Variants in FBH1 observed in about 807,000 individuals in gnomAD.
FBH1 encodes F-box DNA helicase 1.
In FBH1, 43 loss-of-function variants were observed where a neutral mutation model predicts 115.5. That is an observed-to-expected ratio of 0.37 (90% CI 0.29 to 0.48). The LOEUF is 0.48. FBH1 is among the 20% of genes least tolerant of loss of function. The probability of loss-of-function intolerance (pLI) is 0.99; values close to 1 mark genes in which losing one functional copy is unlikely to be tolerated. For missense variants in FBH1, 1,001 were observed against 1,337.3 expected (o/e 0.75, Z 3.92); for synonymous variants, 524 against 507.8 (o/e 1.03, Z -0.43).
At position 5,909,977 on chromosome 10, in the gene FBH1, T is replaced by C. The variant is rs1439071016; in HGVS notation, c.1020+683T>C. ...GAATGCATTCTTTAACACAGAGACG[T>C]GTAGTAACTTAAGAATGGTAAAGGC... On this transcript the variant is annotated intron_variant, in intron 5 of 20. Coordinates refer to ENST00000362091, the MANE Select transcript of FBH1 (RefSeq NM_178150.3). The surrounding 1 kb of genome is among the most constrained non-coding windows in gnomAD (Gnocchi z 4.4). 1.3e-5 allele frequency among the ~76,000 whole-genome samples: 2 copies of C among 152,100 alleles called. No homozygotes were observed. Among genetic ancestry groups the C allele is most frequent in the Non-Finnish European group, 1.5e-5 (1 of 68,012 alleles).
At position 5,916,261 on chromosome 10, in the gene FBH1, C is replaced by T. The variant is rs760019931; in HGVS notation, c.1593C>T (p.Leu531=). ...RKYQSKKKLN[L]FKLTPFMVNS... Reference sequence around the variant, plus strand: ...ACCAGTCAAAGAAGAAGTTGAATCTCTTCAAGTTAACACCCTTCATGGTCA... The same window carrying T: ...ACCAGTCAAAGAAGAAGTTGAATCTTTTCAAGTTAACACCCTTCATGGTCA... Residue 531 remains leucine (L), a synonymous_variant, in exon 10 of 21, where the codon CTC becomes CTT. Coordinates refer to ENST00000362091, the MANE Select transcript of FBH1 (RefSeq NM_178150.3). 7 of 1,614,166 alleles carry T rather than the reference C, an allele frequency of 4.3e-6. No homozygotes were observed. Among genetic ancestry groups the T allele is most frequent in the Non-Finnish European group, 2.5e-6 (3 of 1,180,020 alleles).
Position 5,890,284 on chromosome 10 carries a change from C to G in FBH1, c.-62C>G, listed in dbSNP as rs1842620334. 5.4e-6 allele frequency: 2 copies of G among 372,110 alleles called. No homozygotes were observed. The highest frequency in any genetic ancestry group is 4.3e-5 in the African/African-American group (2 of 46,700). 23.1% of individuals were successfully genotyped at this position (372,110 alleles called of 1,614,324 possible). A position where few individuals can be genotyped will look rare whatever the true frequency, so the allele number is the denominator to read the frequency against. ...GAGCTCGCTGCCGGGGGACGCTGGG[C>G]TGAGCGGCCGGCGGCGCGGGCCCGG... On this transcript the variant is annotated 5_prime_UTR_variant, in exon 1 of 21. Coordinates refer to ENST00000362091, the MANE Select transcript of FBH1 (RefSeq NM_178150.3).
At position 5,918,939 on chromosome 10, in the gene FBH1, T is replaced by C. The variant is rs900795971; in HGVS notation, c.2100+461T>C. On this transcript the variant is annotated intron_variant, in intron 13 of 20. Transcript: ENST00000362091. This position sits in a 1 kb window ranked among gnomAD's most constrained non-coding sequence, Gnocchi z 4.0. Reference sequence around the variant, plus strand: ...TGACAACTCACAGTGTCCTTGATTATGCGAAAAGTTTATTATGCGCTCCTT... The same window carrying C: ...TGACAACTCACAGTGTCCTTGATTACGCGAAAAGTTTATTATGCGCTCCTT... Among the ~76,000 whole-genome samples the C allele has an allele frequency of 3.3e-5, 5 of 152,232 alleles. No individual in the cohort carries two copies. Among genetic ancestry groups the C allele is most frequent in the African/African-American group, 1.2e-4 (5 of 41,464 alleles).
intron 18 of FBH1, among the ~76,000 whole-genome samples, chr10:5,926,814 A>G (rs1832678678): frequency 6.6e-6 from 1 of 152,244 alleles, no homozygotes; most frequent in South Asian, 2.1e-4. Flanking sequence ...AGCTTTTTGC[A>G]CGGCCTCGGG....
rs1393277166 is a variant in FBH1 at position 5,923,571 on chromosome 10, A to C, written c.2323-50A>C. 1.3e-6 allele frequency: 2 copies of C among 1,507,088 alleles called. No homozygotes were observed. Among genetic ancestry groups the C allele is most frequent in the East Asian group, 2.3e-5 (1 of 44,314 alleles). 93.4% of individuals were successfully genotyped at this position (1,507,088 alleles called of 1,614,324 possible). A position where few individuals can be genotyped will look rare whatever the true frequency, so the allele number is the denominator to read the frequency against. ...TTGTTAAAGCAACAACAAACAAAAC[A>C]AAACAAAAAACAACAAAAAAACAAA... On this transcript the variant is annotated intron_variant, in intron 15 of 20. Transcript: ENST00000362091. The surrounding 1 kb of genome is among the most constrained non-coding windows in gnomAD (Gnocchi z 5.7).
Position 5,909,481 on chromosome 10 carries a change from G to T in FBH1, c.1020+187G>T, listed in dbSNP as rs1831423526. 1.7e-6 allele frequency: 1 copy of T among 588,392 alleles called. No individual in the cohort carries two copies. Among genetic ancestry groups the T allele is most frequent in the Non-Finnish European group, 2.8e-6 (1 of 363,266 alleles). The allele number at this position is 588,392 out of a possible 1,614,324, so 36.4% of individuals were successfully genotyped here. On this transcript the variant is annotated intron_variant, in intron 5 of 20. Coordinates refer to ENST00000362091, the MANE Select transcript of FBH1 (RefSeq NM_178150.3). This position sits in a 1 kb window ranked among gnomAD's most constrained non-coding sequence, Gnocchi z 4.4. ...AAATAAAAGGCCATATAATTGTAGA[G>T]TCTTAGATGTAGATGAAATTTTAAC...
At chr10:5,899,016 C>T (rs558531650) in intron 1 of FBH1, among the ~76,000 whole-genome samples, 5 of 152,306 alleles carry the variant, frequency 3.3e-5, no homozygotes, top group African/African-American at 9.6e-5. Context: ...TCACAAAAAA[C>T]GTTCCAGGGT....
Position 5,924,657 on chromosome 10 carries a change from T to C in FBH1, c.2596+149T>C. 1.3e-6 allele frequency: 1 copy of C among 785,532 alleles called. No homozygotes were observed. Among genetic ancestry groups the C allele is most frequent in the Non-Finnish European group, 2.1e-6 (1 of 474,098 alleles). The allele number at this position is 785,532 out of a possible 1,614,324, so 48.7% of individuals were successfully genotyped here. ...ATCTTGGCTCACTGCAATGCCCACC[T>C]TCTGGGTTCAAGCAATTATCCTGCC... On this transcript the variant is annotated intron_variant, in intron 17 of 20. Coordinates refer to ENST00000362091, the MANE Select transcript of FBH1 (RefSeq NM_178150.3). This position sits in a 1 kb window ranked among gnomAD's most constrained non-coding sequence, Gnocchi z 6.2.
Position 5,931,157 on chromosome 10 carries a change from A to T in FBH1, c.2829+3616A>T, listed in dbSNP as rs983773048. On this transcript the variant is annotated intron_variant, in intron 19 of 20. Transcript: ENST00000362091. This position sits in a 1 kb window ranked among gnomAD's most constrained non-coding sequence, Gnocchi z 4.3. ...AGCATCCACCAGATTAGAAGATGGGATCTGCCAGCCATCACGGAGCTGTCC... is the reference window on the plus strand; with the variant it reads ...AGCATCCACCAGATTAGAAGATGGGTTCTGCCAGCCATCACGGAGCTGTCC... 6.6e-6 allele frequency among the ~76,000 whole-genome samples: 1 copy of T among 152,244 alleles called. No individual in the cohort carries two copies. Among genetic ancestry groups the T allele is most frequent in the Non-Finnish European group, 1.5e-5 (1 of 68,048 alleles).
At position 5,932,904 on chromosome 10, in the gene FBH1, A is replaced by T. The variant is rs191645463; in HGVS notation, c.2830-3552A>T. 2.6e-5 allele frequency among the ~76,000 whole-genome samples: 4 copies of T among 151,894 alleles called. No individual in the cohort carries two copies. The East Asian group carries it at 7.8e-4, about 30-fold the overall frequency. On this transcript the variant is annotated intron_variant, in intron 19 of 20. Transcript: ENST00000362091. The surrounding 1 kb of genome is among the most constrained non-coding windows in gnomAD (Gnocchi z 5.9). ...GGCTAATTCTGTATTTTTTGTAGAG[A>T]CGGGGTTTTGTCTGTTTCCCAGGCT...
chr10:5,895,784 G>C lies in FBH1; in HGVS notation c.1+5438G>C, dbSNP rs1222076263. 1.3e-5 allele frequency among the ~76,000 whole-genome samples: 2 copies of C among 152,116 alleles called. No individual in the cohort carries two copies. The highest frequency in any genetic ancestry group is 2.9e-5 in the Non-Finnish European group (2 of 68,036). On this transcript the variant is annotated intron_variant, in intron 1 of 20. Transcript: ENST00000362091. This position sits in a 1 kb window ranked among gnomAD's most constrained non-coding sequence, Gnocchi z 5.0. ...CCTGGGAATCAGCTTCCCAGTTAAG[G>C]GGAAGAGGAGAAGAGTGGAGGGCAG... is the stretch of plus-strand genomic sequence containing the variant.
chr10:5,909,392 T>A lies in FBH1; in HGVS notation c.1020+98T>A. On this transcript the variant is annotated intron_variant, in intron 5 of 20. Transcript: ENST00000362091. This position sits in a 1 kb window ranked among gnomAD's most constrained non-coding sequence, Gnocchi z 4.4. Reference sequence around the variant, plus strand: ...ATTGAGGATGACTTTATATTTATTTTTAATGTCTGTATTTAATCTCTGAAT... The same window carrying A: ...ATTGAGGATGACTTTATATTTATTTATAATGTCTGTATTTAATCTCTGAAT... The A allele has an allele frequency of 7.4e-7, 1 of 1,350,680 alleles. No homozygotes were observed. The highest frequency in any genetic ancestry group is 1.4e-5 in the South Asian group (1 of 69,742). 83.7% of individuals were successfully genotyped at this position (1,350,680 alleles called of 1,614,324 possible). A position where few individuals can be genotyped will look rare whatever the true frequency, so the allele number is the denominator to read the frequency against.
At position 5,923,722 on chromosome 10, in the gene FBH1, A is replaced by G. The variant is rs370339089; in HGVS notation, c.2398+26A>G. On this transcript the variant is annotated intron_variant, in intron 16 of 20. Transcript: ENST00000362091. This position sits in a 1 kb window ranked among gnomAD's most constrained non-coding sequence, Gnocchi z 5.7. The stretch of plus-strand genomic sequence containing the variant: ...GTGAGTACCCACCTGGCCTTGGTGC[A>G]TTGGAAGGACGCACCCAAGTGACAG... 5.0e-6 allele frequency: 8 copies of G among 1,597,678 alleles called. No individual in the cohort carries two copies. The highest frequency in any genetic ancestry group is 6.9e-6 in the Non-Finnish European group (8 of 1,167,210).
In FBH1 at chr10:5,917,908, A is replaced by G. The variant is rs1329513090; in HGVS notation, c.1963+232A>G. 6.6e-6 allele frequency among the ~76,000 whole-genome samples: 1 copy of G among 152,248 alleles called. No homozygotes were observed. The highest frequency in any genetic ancestry group is 2.4e-5 in the African/African-American group (1 of 41,472). On this transcript the variant is annotated intron_variant, in intron 12 of 20. Transcript: ENST00000362091. The surrounding 1 kb of genome is among the most constrained non-coding windows in gnomAD (Gnocchi z 5.6). ...TAACATGTTGACCAAGTTGTAGACC[A>G]GCAGACGACAGGGACCTAGACTCAT... is the stretch of plus-strand genomic sequence containing the variant.
Position 5,914,985 on chromosome 10 carries a change from A to AC in FBH1, c.1397-418_1397-417insC, listed in dbSNP as rs1366069203. ...CAGAGAGCCTTGCCCGGGGTTGAATAAGTGGATAGGTGGTGGAGGTGGAAT... is the reference window on the plus strand; with the variant it reads ...CAGAGAGCCTTGCCCGGGGTTGAATACAGTGGATAGGTGGTGGAGGTGGAAT... On this transcript the variant is annotated intron_variant, in intron 8 of 20. Transcript: ENST00000362091. This position sits in a 1 kb window ranked among gnomAD's most constrained non-coding sequence, Gnocchi z 5.2. 3.9e-5 allele frequency among the ~76,000 whole-genome samples: 6 copies of AC among 152,132 alleles called. No individual in the cohort carries two copies. The highest frequency in any genetic ancestry group is 8.8e-5 in the Non-Finnish European group (6 of 68,018).
At chr10:5,908,060 C>G (rs1246603712) in intron 3 of FBH1, among the ~76,000 whole-genome samples, 1 of 152,162 alleles carries the variant, frequency 6.6e-6, no homozygotes, top group Non-Finnish European at 1.5e-5. Context: ...CTCTGTTTTC[C>G]TTATTTATCT....
chr10:5,900,656 T>G lies in FBH1; in HGVS notation c.2-2364T>G, dbSNP rs1380295923. 6.6e-6 allele frequency among the ~76,000 whole-genome samples: 1 copy of G among 152,238 alleles called. No individual in the cohort carries two copies. On this transcript the variant is annotated intron_variant, in intron 1 of 20. Transcript: ENST00000362091. The surrounding 1 kb of genome is among the most constrained non-coding windows in gnomAD (Gnocchi z 4.2). ...CTTAAAATATTCATGAAGTTTTTTT[T>G]TAAAAAAGCTGGTATTAAACCTTGA... is the stretch of plus-strand genomic sequence containing the variant.
intron 1 of FBH1, among the ~76,000 whole-genome samples, chr10:5,893,764 T>C (rs1052944201): frequency 6.6e-6 from 1 of 152,228 alleles, no homozygotes; most frequent in Admixed American, 6.5e-5. Flanking sequence ...TTCACTTTTG[T>C]ATCACTAATG....
Position 5,937,414 on chromosome 10 carries a change from C to CTTGGGCTGGTGT in FBH1, c.*134_*135insTTGGGCTGGTGT. On this transcript the variant is annotated 3_prime_UTR_variant, in exon 21 of 21. Transcript: ENST00000362091. ...CACTTTCTGAGGAAGAGGACACCAGCCCAAGCTGGACCTGCCATTTCTCCA... is the reference window on the plus strand; with the variant it reads ...CACTTTCTGAGGAAGAGGACACCAGCTTGGGCTGGTGTCCAAGCTGGACCTGCCATTTCTCCA... The CTTGGGCTGGTGT allele has an allele frequency of 1.0e-6, 1 of 996,358 alleles. No homozygotes were observed. The highest frequency in any genetic ancestry group is 1.4e-6 in the Non-Finnish European group (1 of 735,680). The allele number at this position is 996,358 out of a possible 1,614,324, so 61.7% of individuals were successfully genotyped here.
Sources: allele counts gnomAD v4.1 joint callset (sites outside exome capture counted in the v4.1 genomes callset), GRCh38; gene constraint gnomAD v4.1.1; non-coding constraint Gnocchi (gnomAD v3.1); transcripts MANE v1.5; gene names NCBI Gene and HGNC (gene_info 2026-07-23, HGNC 2026-07-21).